PARVG: variants seen among roughly 807,000 people sequenced by gnomAD.
The protein encoded by PARVG is parvin gamma, also known as gamma-parvin.
PARVG carries 36 observed loss-of-function variants against 44.4 expected under a neutral mutation model. The observed-to-expected ratio is 0.81, with a 90% CI of 0.62 to 1.07. The LOEUF is 1.07. PARVG is among the 50% of genes least tolerant of loss of function. The probability of loss-of-function intolerance (pLI) is 0.00; values close to 1 mark genes in which losing one functional copy is unlikely to be tolerated. For missense variants in PARVG, 407 were observed against 407.4 expected, an observed-to-expected ratio of 1.00 and a Z score of 0.01; for synonymous variants, 170 against 174.1, an observed-to-expected ratio of 0.98 and a Z score of 0.19.
intron 12 of PARVG, among the ~76,000 whole-genome samples, chr22:44,201,054 G>A (rs2054700762): frequency 6.6e-6 from 1 of 152,032 alleles, no homozygotes; most frequent in African/African-American, 2.4e-5. Context: ...CAGCTCTCCA[G>A]GGCCTGGTCC....
At chr22:44,191,914 C>T (rs888953704) in intron 7 of PARVG, 135 bp from the exon 8 acceptor site, 59 of 992,460 alleles carry the variant, frequency 5.9e-5, no homozygotes, top group Non-Finnish European at 1.1e-5. Context: ...AACCTCAAGA[C>T]TCCTGGGGAA....
At chr22:44,197,170 C>T (rs1482410315) in intron 11 of PARVG, among the ~76,000 whole-genome samples, 1 of 152,132 alleles carries the variant, frequency 6.6e-6, no homozygotes, top group Non-Finnish European at 1.5e-5. Context: ...GACCAGTTGG[C>T]TCATGAAGAT....
intron 8 of PARVG, among the ~76,000 whole-genome samples, chr22:44,193,166 C>T (rs2054572261): frequency 2.0e-5 from 3 of 152,086 alleles, no homozygotes; most frequent in Non-Finnish European, 2.9e-5. Flanking sequence ...CTTGGCCTGC[C>T]CTGGACCTAC....
At chr22:44,197,017 C>T (rs371117291) in intron 11 of PARVG, among the ~76,000 whole-genome samples, 4 of 151,602 alleles carry the variant, frequency 2.6e-5, no homozygotes, top group African/African-American at 7.2e-5. Context: ...AGTAGCAGAC[C>T]GGCTGCCAGC....
In PARVG at chr22:44,207,092, G is replaced by A. The variant is rs141059303; in HGVS notation, c.*666G>A. ...CATCTCCAGTCTGTCCTCGGGAGCT[G>A]TGGGTTCCCACTCGCTCCAGTGAGA... On this transcript the variant is annotated 3_prime_UTR_variant, in exon 14 of 14. Transcript: ENST00000444313. 7.1e-4 allele frequency: 108 copies of A among 152,056 alleles called. No homozygotes were observed. Among genetic ancestry groups the A allele is most frequent in the Middle Eastern group, 6.8e-3 (2 of 294 alleles). The allele number at this position is 152,056 out of a possible 1,614,324, so 9.4% of individuals were successfully genotyped here. A position where few individuals can be genotyped will look rare whatever the true frequency, so the allele number is the denominator to read the frequency against.
rs1425957608 is a variant in PARVG, at chr22:44,182,640, A to T, written c.-12-678A>T. ...ACACTGAGAAGACCCAGGGGCTGAA[A>T]AGGGAGGAAGAGGGAGGCCAGAAGG... On this transcript the variant is annotated intron_variant, in intron 2 of 13. Transcript: ENST00000444313. This position sits in a 1 kb window ranked among gnomAD's most constrained non-coding sequence, Gnocchi z 4.6. 6.6e-6 allele frequency among the ~76,000 whole-genome samples: 1 copy of T among 152,156 alleles called. No individual in the cohort carries two copies. Among genetic ancestry groups the T allele is most frequent in the Non-Finnish European group, 1.5e-5 (1 of 68,028 alleles).
At chr22:44,181,207 A>G (rs1430444574) in intron 1 of PARVG, 22 bp downstream of exon 1, 1 of 501,732 alleles carries the variant, frequency 2.0e-6, no homozygotes, top group East Asian at 1.5e-4. Flanking sequence ...CGATTGAGAG[A>G]GACAGACCAC....
chr22:44,204,743 T>G (rs1423343289), intron 12 of PARVG, among the ~76,000 whole-genome samples: 6 of 152,364 alleles, frequency 3.9e-5, no homozygotes. Flanking sequence ...CGGGCTGGGA[T>G]GTCCACCCCG....
chr22:44,201,811 CG>C (rs1462221585), intron 12 of PARVG, among the ~76,000 whole-genome samples: 28 of 152,268 alleles, frequency 1.8e-4, no homozygotes, highest in African/African-American at 6.3e-4. Context: ...CTGGGTGGCT[CG>C]GCTCTGTGCC....
At chr22:44,194,667 TATCCATCC>T (rs539985877) in intron 9 of PARVG, among the ~76,000 whole-genome samples, 16 of 132,454 alleles carry the variant, frequency 1.2e-4, no homozygotes, top group Admixed American at 7.3e-4. Flanking sequence ...TCCATCAACC[TATCCATCC>T]ATCCATCCAT....
intron 3 of PARVG, chr22:44,183,843 G>A: frequency 2.6e-6 from 1 of 390,626 alleles, no homozygotes; most frequent in Non-Finnish European, 4.5e-6. Flanking sequence ...CCCAAGGAGG[G>A]TGGTCCCAGA....
chr22:44,186,610 G>A (rs902974724), intron 4 of PARVG: 2 of 471,198 alleles, frequency 4.2e-6, no homozygotes, highest in Non-Finnish European at 8.8e-6. Flanking sequence ...TGGCACTGGG[G>A]ACACCATCTG....
In PARVG at chr22:44,190,675, C is replaced by T. The variant is rs976935366; in HGVS notation, c.504+9C>T. The stretch of plus-strand genomic sequence containing the variant: ...AGGTCATCACTATCGAGGTAGCAGC[C>T]TGGGCCCCAGGGATTTGTAAGCAGA... On this transcript the variant is annotated intron_variant, in intron 7 of 13. Transcript: ENST00000444313. 6.3e-7 allele frequency: 1 copy of T among 1,598,814 alleles called. No individual in the cohort carries two copies. Among genetic ancestry groups the T allele is most frequent in the East Asian group, 2.2e-5 (1 of 44,832 alleles).
chr22:44,180,541 C>G (rs909919290), upstream of PARVG, among the ~76,000 whole-genome samples: 2 of 152,154 alleles, frequency 1.3e-5, no homozygotes, highest in Admixed American at 1.3e-4. Flanking sequence ...CTTCTCTCCC[C>G]ACCTGTTACA....
intron 8 of PARVG, 109 bp downstream of exon 8, chr22:44,192,213 C>A: frequency 7.9e-7 from 1 of 1,265,756 alleles, no homozygotes; most frequent in Non-Finnish European, 1.1e-6. Context: ...AGGGCCCTCA[C>A]ATTCTGTGGC....
intron 12 of PARVG, among the ~76,000 whole-genome samples, chr22:44,204,647 C>G (rs536031912): frequency 6.6e-6 from 1 of 152,358 alleles, no homozygotes; most frequent in Non-Finnish European, 1.5e-5. Context: ...TGGCCCCTGG[C>G]GGGTTGCCAT....
chr22:44,191,761 A>G (rs147494118), intron 7 of PARVG, among the ~76,000 whole-genome samples: 5 of 152,258 alleles, frequency 3.3e-5, no homozygotes, highest in Non-Finnish European at 5.9e-5. Context: ...GGCTTGGTCT[A>G]TACTGCCAAC....
At chr22:44,174,625 A>G (rs1010501341) in intron 1 of PARVG, among the ~76,000 whole-genome samples, 1 of 151,878 alleles carries the variant, frequency 6.6e-6, no homozygotes, top group Non-Finnish European at 1.5e-5. Flanking sequence ...AATCCCAGCT[A>G]CTCGGGAGTC....
chr22:44,204,295 C>G (rs139178), intron 12 of PARVG, among the ~76,000 whole-genome samples: 1 of 151,742 alleles, frequency 6.6e-6, no homozygotes, highest in African/African-American at 2.4e-5. Flanking sequence ...AGCTCCTATG[C>G]CTTCATCATC....
Sources: gnomAD v4.1 joint callset for allele counts (sites outside exome capture counted in the v4.1 genomes callset) on GRCh38, gnomAD v4.1.1 for gene constraint, Gnocchi (gnomAD v3.1) non-coding constraint, MANE v1.5 for transcripts, NCBI Gene and HGNC (gene_info 2026-07-23, HGNC 2026-07-21) for gene names.